GARRE1: variants seen among roughly 807,000 people sequenced by gnomAD.
The protein encoded by GARRE1 is granule associated Rac and RHOG effector protein 1.
GARRE1 carries 49 observed loss-of-function variants against 103.2 expected under a neutral mutation model. The observed-to-expected ratio is 0.47, with a 90% CI of 0.38 to 0.60. The LOEUF (loss-of-function observed/expected upper bound fraction) is 0.60, where lower values mean the gene tolerates loss of function less well. GARRE1 is among the 20% of genes least tolerant of loss of function. GARRE1 has a pLI of 0.00. For synonymous variants in GARRE1, 505 were observed against 532.8 expected (o/e 0.95, Z 0.72); for missense variants, 1,199 against 1,370.5 (o/e 0.87, Z 1.98).
chr19:34,305,581 G>T (rs1286117177), intron 2 of GARRE1, among the ~76,000 whole-genome samples: 1 of 152,228 alleles, frequency 6.6e-6, no homozygotes, highest in African/African-American at 2.4e-5. Flanking sequence ...AACAGAGCTT[G>T]ACCTGCAGGG....
At chr19:34,287,621 A>G (rs149435627) in intron 1 of GARRE1, among the ~76,000 whole-genome samples, 15 of 152,314 alleles carry the variant, frequency 9.8e-5, no homozygotes, top group Admixed American at 8.5e-4. Context: ...CTGCTTTGAC[A>G]AAGTACTATA....
chr19:34,266,599 C>T (rs2073753173), intron 1 of GARRE1, among the ~76,000 whole-genome samples: 1 of 152,142 alleles, frequency 6.6e-6, no homozygotes, highest in Non-Finnish European at 1.5e-5. Flanking sequence ...TCACCTCGGC[C>T]TCCCAAAGTG....
chr19:34,261,348 A>G (rs569087770), intron 1 of GARRE1, among the ~76,000 whole-genome samples: 2 of 152,130 alleles, frequency 1.3e-5, no homozygotes, highest in Non-Finnish European at 2.9e-5. Context: ...ATTCAATGAC[A>G]GTATTAGCTC....
At chr19:34,264,603 T>G (rs894083661) in intron 1 of GARRE1, among the ~76,000 whole-genome samples, 2 of 152,164 alleles carry the variant, frequency 1.3e-5, no homozygotes, top group Non-Finnish European at 2.9e-5. Flanking sequence ...TTTCACTGTG[T>G]TAGCCAGGAT....
intron 8 of GARRE1, among the ~76,000 whole-genome samples, chr19:34,338,218 T>C (rs1249497223): frequency 2.0e-5 from 3 of 152,202 alleles, no homozygotes; most frequent in Non-Finnish European, 4.4e-5. Context: ...AGACCTATGC[T>C]GCTCAGACTG....
intron 1 of GARRE1, chr19:34,265,631 A>G (rs1310915461): frequency 1.3e-5 from 2 of 152,076 alleles, no homozygotes; most frequent in Non-Finnish European, 2.9e-5. Context: ...GGTAAGTTTT[A>G]TTTCTGAAAG....
chr19:34,301,295 G>C (rs1268627703), intron 2 of GARRE1, among the ~76,000 whole-genome samples: 1 of 151,914 alleles, frequency 6.6e-6, no homozygotes, highest in Non-Finnish European at 1.5e-5. Flanking sequence ...GGGTGTGGTG[G>C]TGTGCACCTG....
rs555096834 is a variant in GARRE1, at chr19:34,260,234, A to G, written c.-796+5620A>G. Among the ~76,000 whole-genome samples the G allele has an allele frequency of 2.0e-3, 307 of 152,388 alleles. 2 individuals are homozygous for G. The highest frequency in any genetic ancestry group is 3.4e-3 in the Non-Finnish European group (234 of 68,044). On this transcript the variant is annotated intron_variant, in intron 1 of 13. Transcript: ENST00000299505. The stretch of plus-strand genomic sequence containing the variant: ...CCACTTGCTGAAGATGCAGATGATC[A>G]TTAGCATTTTTTAGTAATGAAGTAT...
At chr19:34,262,922 A>AT (rs1333133845) in intron 1 of GARRE1, among the ~76,000 whole-genome samples, 3 of 152,100 alleles carry the variant, frequency 2.0e-5, no homozygotes, top group Non-Finnish European at 4.4e-5. Context: ...TGTTTAAAAA[A>AT]ATATATATAG....
At chr19:34,313,094 G>A (rs2145253254) in intron 2 of GARRE1, among the ~76,000 whole-genome samples, 1 of 152,252 alleles carries the variant, frequency 6.6e-6, no homozygotes, top group South Asian at 2.1e-4. Context: ...ATAGGTCTGT[G>A]ATGCCTATTA....
chr19:34,352,581 C>T, intron 13 of GARRE1, 66 bp from the exon 14 acceptor site: 1 of 1,373,492 alleles, frequency 7.3e-7, no homozygotes, highest in Non-Finnish European at 1.0e-6. Context: ...GGCCAGGCAT[C>T]TGGGGAGGTG....
At position 34,300,512 on chromosome 19, in the gene GARRE1, C is replaced by T. The variant is rs1369193316; in HGVS notation, c.39C>T (p.Tyr13=). Residue 13 remains tyrosine, a synonymous_variant, in exon 2 of 14, where the codon TAC becomes TAT. Transcript: ENST00000299505. ...GTGCCCAGGACAGTAAAATGGACTA[C>T]AAGCGGCGCTTCCTGCTTGGCGGGT... ...CCSAQDSKMD[Y]KRRFLLGGSK... The T allele has an allele frequency of 1.9e-6, 3 of 1,611,494 alleles. No individual in the cohort carries two copies. The South Asian group carries it at 3.3e-5, about 18-fold the overall frequency.
At chr19:34,264,840 G>A (rs1012519429) in intron 1 of GARRE1, among the ~76,000 whole-genome samples, 7 of 152,160 alleles carry the variant, frequency 4.6e-5, no homozygotes, top group African/African-American at 1.4e-4. Flanking sequence ...TCTGTGTGAC[G>A]TATTTAACAA....
chr19:34,295,263 G>C (rs2073941108), intron 1 of GARRE1, among the ~76,000 whole-genome samples: 1 of 152,144 alleles, frequency 6.6e-6, no homozygotes, highest in Non-Finnish European at 1.5e-5. Context: ...ATGGGACTCA[G>C]TCAAGTTAAA....
At chr19:34,272,551 C>G (rs898754798) in intron 1 of GARRE1, among the ~76,000 whole-genome samples, 7 of 152,126 alleles carry the variant, frequency 4.6e-5, no homozygotes, top group Admixed American at 1.3e-4. Context: ...GGGTCTGGTC[C>G]TTGGAGAGGG....
At chr19:34,266,464 C>T (rs995953702) in intron 1 of GARRE1, among the ~76,000 whole-genome samples, 1 of 152,182 alleles carries the variant, frequency 6.6e-6, no homozygotes, top group African/African-American at 2.4e-5. Context: ...GGGGTTCAAG[C>T]GATTCCCCTG....
At chr19:34,348,115 G>C in intron 11 of GARRE1, 73 bp downstream of exon 11, 2 of 1,272,638 alleles carry the variant, frequency 1.6e-6, no homozygotes, top group Non-Finnish European at 2.1e-6. Flanking sequence ...GAGAAGAGAG[G>C]CTCCTTGCCT....
chr19:34,329,634 A>C (rs558285614), intron 6 of GARRE1, among the ~76,000 whole-genome samples: 1 of 152,118 alleles, frequency 6.6e-6, no homozygotes, highest in Non-Finnish European at 1.5e-5. Context: ...TCAGGAGTTC[A>C]AGACCAGCCT....
At chr19:34,280,295 C>G (rs563679530) in intron 1 of GARRE1, among the ~76,000 whole-genome samples, 1 of 152,300 alleles carries the variant, frequency 6.6e-6, no homozygotes, top group African/African-American at 2.4e-5. Context: ...TGTGTGGGGA[C>G]ACAGATTTAA....
Sources: allele counts gnomAD v4.1 joint callset (sites outside exome capture counted in the v4.1 genomes callset), GRCh38; gene constraint gnomAD v4.1.1; transcripts MANE v1.5; gene names NCBI Gene and HGNC (gene_info 2026-07-23, HGNC 2026-07-21).